RNF152: variants seen among roughly 807,000 people sequenced by gnomAD.
The protein encoded by RNF152 is ring finger protein 152.
Under a neutral mutation model 12.7 loss-of-function variants are expected in RNF152, and 11 were observed. The ratio of observed to expected loss-of-function variants is 0.86; its 90% CI spans 0.54 to 1.43. The LOEUF (loss-of-function observed/expected upper bound fraction) is 1.43, where lower values mean the gene tolerates loss of function less well. Ranked by LOEUF, RNF152 falls within the 40% of genes most tolerant of loss-of-function variation. The probability of loss-of-function intolerance (pLI) is 0.00; values close to 1 mark genes in which losing one functional copy is unlikely to be tolerated. For synonymous variants in RNF152, 113 were observed against 120.3 expected, an observed-to-expected ratio of 0.94 and a Z score of 0.40; for missense variants, 255 against 274.8, an observed-to-expected ratio of 0.93 and a Z score of 0.51.
chr18:61,824,944 T>C (rs4616381), intron 1 of RNF152, among the ~76,000 whole-genome samples: 77,225 of 152,012 alleles, frequency 0.51, 20,372 homozygotes, highest in Non-Finnish European at 0.59. Context: ...TGCTGACAGA[T>C]AGACAGACAG....
At chr18:61,860,796 C>T (rs897346355) in intron 1 of RNF152, among the ~76,000 whole-genome samples, 2 of 152,178 alleles carry the variant, frequency 1.3e-5, no homozygotes, top group African/African-American at 2.4e-5. Flanking sequence ...CCCTGAAGAC[C>T]TTCCAATGGG....
chr18:61,840,280 C>G (rs1318394060), intron 1 of RNF152, among the ~76,000 whole-genome samples: 1 of 152,226 alleles, frequency 6.6e-6, no homozygotes, highest in Non-Finnish European at 1.5e-5. Flanking sequence ...TTATAAGCCA[C>G]CCAGTCTATG....
intron 1 of RNF152, among the ~76,000 whole-genome samples, chr18:61,817,212 GAACAA>G (rs1189242307): frequency 2.0e-5 from 3 of 152,148 alleles, no homozygotes; most frequent in Non-Finnish European, 4.4e-5. Context: ...CATTTGAAGA[GAACAA>G]AACAAAAAAC....
chr18:61,817,036 T>G (rs1356748480), intron 1 of RNF152, among the ~76,000 whole-genome samples: 2 of 152,208 alleles, frequency 1.3e-5, no homozygotes, highest in African/African-American at 4.8e-5. Flanking sequence ...CTTACCCACT[T>G]GTAAGTCTTA....
At chr18:61,825,502 T>C (rs879412224) in intron 1 of RNF152, among the ~76,000 whole-genome samples, 2 of 152,194 alleles carry the variant, frequency 1.3e-5, no homozygotes, top group Non-Finnish European at 2.9e-5. Context: ...ATTTCCTCTA[T>C]TTGATTAAAC....
intron 1 of RNF152, among the ~76,000 whole-genome samples, chr18:61,852,025 C>T (rs968673121): frequency 2.0e-5 from 3 of 152,156 alleles, no homozygotes; most frequent in Admixed American, 6.5e-5. Flanking sequence ...TGTCAAAGGC[C>T]AGGGTGCTCT....
intron 1 of RNF152, among the ~76,000 whole-genome samples, chr18:61,841,385 A>T (rs1010662059): frequency 6.6e-6 from 1 of 152,236 alleles, no homozygotes; most frequent in African/African-American, 2.4e-5. Context: ...TTCTCCATTA[A>T]TAATAGTTAC....
rs1912864519 is a variant in RNF152, at chr18:61,809,684, C to T, written c.*6168G>A. On this transcript the variant is annotated 3_prime_UTR_variant, in exon 2 of 2. Transcript: ENST00000312828. ...ATGCTGTTGCAGACTTCAAGAGGTC[C>T]CTCAGTACTCTGCCCCAAATATTAC... 2 of 151,944 alleles carry T rather than the reference C, an allele frequency of 1.3e-5. No individual in the cohort carries two copies. The highest frequency in any genetic ancestry group is 3.9e-4 in the East Asian group (2 of 5,190). 9.4% of individuals were successfully genotyped at this position (151,944 alleles called of 1,614,324 possible). A position where few individuals can be genotyped will look rare whatever the true frequency, so the allele number is the denominator to read the frequency against.
chr18:61,813,189 G>C lies in RNF152; in HGVS notation c.*2663C>G, dbSNP rs1908891160. On this transcript the variant is annotated 3_prime_UTR_variant, in exon 2 of 2. Transcript: ENST00000312828. ...CATTGGTAAATGCCAGAAGAGGCCAGAGCAATGGGATGCCAAGCAACATTA... is the reference window on the plus strand; with the variant it reads ...CATTGGTAAATGCCAGAAGAGGCCACAGCAATGGGATGCCAAGCAACATTA... 1 of 152,012 alleles carries C rather than the reference G, an allele frequency of 6.6e-6. No individual in the cohort carries two copies. The highest frequency in any genetic ancestry group is 6.6e-5 in the Admixed American group (1 of 15,234). The allele number at this position is 152,012 out of a possible 1,614,324, so 9.4% of individuals were successfully genotyped here. A position where few individuals can be genotyped will look rare whatever the true frequency, so the allele number is the denominator to read the frequency against.
chr18:61,837,046 T>C (rs767459387), intron 1 of RNF152, among the ~76,000 whole-genome samples: 2 of 152,144 alleles, frequency 1.3e-5, no homozygotes, highest in Non-Finnish European at 2.9e-5. Flanking sequence ...CCCTCAATAA[T>C]GGAAGAGCTG....
chr18:61,839,888 A>G (rs1910375796), intron 1 of RNF152, among the ~76,000 whole-genome samples: 1 of 152,146 alleles, frequency 6.6e-6, no homozygotes. Flanking sequence ...TCATTCTTTG[A>G]GCACTGCCTT....
chr18:61,860,120 G>A (rs181441460), intron 1 of RNF152, among the ~76,000 whole-genome samples: 4 of 152,206 alleles, frequency 2.6e-5, no homozygotes, highest in Non-Finnish European at 4.4e-5. Context: ...AAGGACTGCC[G>A]ACAGCACGAG....
rs1912875167 is a variant in RNF152, at chr18:61,809,812, A to G, written c.*6040T>C. 1 of 150,748 alleles carries G rather than the reference A, an allele frequency of 6.6e-6. No homozygotes were observed. Among genetic ancestry groups the G allele is most frequent in the Admixed American group, 6.6e-5 (1 of 15,090 alleles). The allele number at this position is 150,748 out of a possible 1,614,324, so 9.3% of individuals were successfully genotyped here. A position where few individuals can be genotyped will look rare whatever the true frequency, so the allele number is the denominator to read the frequency against. ...TGAGTATTTCAAGCACCACTACATC[A>G]TAGGTGAGATATATATAGTGGGATA... On this transcript the variant is annotated 3_prime_UTR_variant, in exon 2 of 2. Coordinates refer to ENST00000312828, the MANE Select transcript of RNF152 (RefSeq NM_173557.3).
rs1288251859 is a variant in RNF152 at position 61,809,724 on chromosome 18, A to C, written c.*6128T>G. The C allele has an allele frequency of 1.3e-5, 2 of 152,178 alleles. No homozygotes were observed. Among genetic ancestry groups the C allele is most frequent in the African/African-American group, 4.8e-5 (2 of 41,448 alleles). 9.4% of individuals were successfully genotyped at this position (152,178 alleles called of 1,614,324 possible). On this transcript the variant is annotated 3_prime_UTR_variant, in exon 2 of 2. Coordinates refer to ENST00000312828, the MANE Select transcript of RNF152 (RefSeq NM_173557.3). ...CCAAATATTACTGATTGTCCCTAAA[A>C]ATATCATAGTATGAATAATATAAAA...
intron 1 of RNF152, among the ~76,000 whole-genome samples, chr18:61,833,290 A>G (rs567865715): frequency 1.3e-5 from 2 of 152,230 alleles, no homozygotes; most frequent in Non-Finnish European, 2.9e-5. Context: ...TCTATTTCAG[A>G]AAATAATTCT....
chr18:61,817,637 C>T (rs1180559865), intron 1 of RNF152, among the ~76,000 whole-genome samples: 2 of 151,806 alleles, frequency 1.3e-5, no homozygotes, highest in African/African-American at 4.8e-5. Context: ...GTCCTGGAAC[C>T]AATGCCCTCA....
chr18:61,876,184 G>C (rs183402481), intron 1 of RNF152, among the ~76,000 whole-genome samples: 1 of 152,104 alleles, frequency 6.6e-6, no homozygotes, highest in South Asian at 2.1e-4. Context: ...TACCCTTCAC[G>C]GGCATTGTCA....
chr18:61,863,263 T>C (rs373120322), intron 1 of RNF152, among the ~76,000 whole-genome samples: 140 of 151,796 alleles, frequency 9.2e-4, no homozygotes, highest in African/African-American at 3.3e-3. Context: ...TGAAATCCCA[T>C]CTCTACTAAA....
chr18:61,885,886 C>T (rs932739004), intron 1 of RNF152, among the ~76,000 whole-genome samples: 17 of 151,870 alleles, frequency 1.1e-4, no homozygotes, highest in Non-Finnish European at 2.4e-4. Context: ...ATGCCTGCTC[C>T]GTTAGATTGT....
Sources: allele counts gnomAD v4.1 joint callset (sites outside exome capture counted in the v4.1 genomes callset), GRCh38; gene constraint gnomAD v4.1.1; transcripts MANE v1.5; gene names NCBI Gene and HGNC (gene_info 2026-07-23, HGNC 2026-07-21).